Variants in ADCY2 observed in about 807,000 individuals in gnomAD.
ADCY2 encodes the protein adenylate cyclase 2.
ADCY2 carries 31 observed loss-of-function variants against 125.2 expected under a neutral mutation model. That is an observed-to-expected ratio of 0.25 (90% CI 0.19 to 0.33). The LOEUF (loss-of-function observed/expected upper bound fraction) is 0.33, where lower values mean the gene tolerates loss of function less well. Ranked by LOEUF, ADCY2 falls within the 10% of genes least tolerant of loss-of-function variation. The pLI, the probability that ADCY2 is intolerant of heterozygous loss-of-function variation, is 1.00. For synonymous variants in ADCY2, 512 were observed against 548.4 expected (o/e 0.93, Z 0.93); for missense variants, 904 against 1,418.2 (o/e 0.64, Z 5.82).
intron 2 of ADCY2, among the ~76,000 whole-genome samples, chr5:7,491,256 A>AT (rs34685344): frequency 0.011 from 1,661 of 146,502 alleles, 19 homozygotes; most frequent in African/African-American, 0.035. Context: ...ATTAAAAATG[A>AT]TTTTTTTTTT....
chr5:7,513,852 G>A (rs1336135112), intron 2 of ADCY2, among the ~76,000 whole-genome samples: 1 of 152,122 alleles, frequency 6.6e-6, no homozygotes, highest in Non-Finnish European at 1.5e-5. Flanking sequence ...TTTTTGGAGA[G>A]AAAAATGATT....
chr5:7,602,027 C>T (rs1296867855), intron 3 of ADCY2, among the ~76,000 whole-genome samples: 1 of 152,204 alleles, frequency 6.6e-6, no homozygotes, highest in African/African-American at 2.4e-5. Flanking sequence ...CTTGTGGCTG[C>T]ATCACTGCAA....
At chr5:7,684,775 C>CT (rs10662818) in intron 4 of ADCY2, among the ~76,000 whole-genome samples, 6,587 of 141,342 alleles carry the variant, frequency 0.047, 505 homozygotes, top group African/African-American at 0.15. Context: ...TCTGTTGTGC[C>CT]TTTTTTTTTT....
intron 3 of ADCY2, among the ~76,000 whole-genome samples, chr5:7,577,959 A>G (rs1736304820): frequency 6.6e-6 from 1 of 152,126 alleles, no homozygotes. Flanking sequence ...CTTCGTCTTA[A>G]CCCTATAACT....
At chr5:7,641,405 T>C (rs1377107469) in intron 4 of ADCY2, among the ~76,000 whole-genome samples, 1 of 152,190 alleles carries the variant, frequency 6.6e-6, no homozygotes, top group Non-Finnish European at 1.5e-5. Flanking sequence ...ATGATCGTGG[T>C]ATAAGATGTG....
chr5:7,612,216 T>TA (rs1737591532), intron 3 of ADCY2, among the ~76,000 whole-genome samples: 1 of 152,182 alleles, frequency 6.6e-6, no homozygotes, highest in South Asian at 2.1e-4. Flanking sequence ...AGTCACCTAA[T>TA]TAGGTATTTA....
intron 3 of ADCY2, among the ~76,000 whole-genome samples, chr5:7,618,177 T>C (rs1737826893): frequency 1.3e-5 from 2 of 152,240 alleles, no homozygotes; most frequent in South Asian, 4.1e-4. Flanking sequence ...GTGGCATCCC[T>C]GAGTTGTTAT....
intron 3 of ADCY2, among the ~76,000 whole-genome samples, chr5:7,578,322 A>T (rs536193468): frequency 6.6e-6 from 1 of 152,128 alleles, no homozygotes; most frequent in Non-Finnish European, 1.5e-5. Context: ...GTCAAATTGA[A>T]ACAGAAGTCT....
chr5:7,814,525 C>T (rs922792353), intron 22 of ADCY2, among the ~76,000 whole-genome samples: 42 of 152,158 alleles, frequency 2.8e-4, no homozygotes, highest in African/African-American at 9.7e-4. Context: ...GTCCATGGTG[C>T]CAAGGCTGAG....
intron 14 of ADCY2, among the ~76,000 whole-genome samples, chr5:7,739,086 C>G (rs1318014045): frequency 4.6e-5 from 7 of 151,726 alleles, no homozygotes; most frequent in African/African-American, 1.7e-4. Flanking sequence ...AAACACTAAA[C>G]TGAATTGAAA....
At chr5:7,554,610 C>A (rs1735446183) in intron 3 of ADCY2, among the ~76,000 whole-genome samples, 1 of 152,154 alleles carries the variant, frequency 6.6e-6, no homozygotes, top group Admixed American at 6.5e-5. Flanking sequence ...AAAAGCATGT[C>A]TGTTCAGTGG....
intron 4 of ADCY2, among the ~76,000 whole-genome samples, chr5:7,664,263 A>T (rs939909563): frequency 6.6e-6 from 1 of 151,852 alleles, no homozygotes; most frequent in African/African-American, 2.4e-5. Context: ...AAAACATGTG[A>T]TTTTTTTTTC....
intron 4 of ADCY2, among the ~76,000 whole-genome samples, chr5:7,665,312 G>A (rs1739675264): frequency 6.6e-6 from 1 of 152,126 alleles, no homozygotes; most frequent in Non-Finnish European, 1.5e-5. Context: ...CCATCTGGAT[G>A]TCCACCAAGA....
At chr5:7,657,524 T>A (rs1305280803) in intron 4 of ADCY2, among the ~76,000 whole-genome samples, 2 of 152,198 alleles carry the variant, frequency 1.3e-5, no homozygotes, top group Non-Finnish European at 2.9e-5. Flanking sequence ...CCCAAGCCAA[T>A]GCTATTCTCT....
At chr5:7,784,946 T>G (rs964379013) in intron 19 of ADCY2, among the ~76,000 whole-genome samples, 3 of 152,212 alleles carry the variant, frequency 2.0e-5, no homozygotes, top group African/African-American at 7.2e-5. Flanking sequence ...CTGTTCTTCC[T>G]TCTTTGGTCC....
At chr5:7,742,275 A>G (rs1579379993) in intron 14 of ADCY2, among the ~76,000 whole-genome samples, 1 of 151,906 alleles carries the variant, frequency 6.6e-6, no homozygotes, top group Non-Finnish European at 1.5e-5. Context: ...GTGGGCTGGC[A>G]CTCCTCCCGC....
At chr5:7,731,471 G>T (rs1742103069) in intron 14 of ADCY2, among the ~76,000 whole-genome samples, 1 of 152,030 alleles carries the variant, frequency 6.6e-6, no homozygotes, top group Non-Finnish European at 1.5e-5. Context: ...TGTCAGGCTG[G>T]TCTTGAACTC....
intron 2 of ADCY2, among the ~76,000 whole-genome samples, chr5:7,509,932 G>T (rs1288813776): frequency 6.6e-6 from 1 of 152,158 alleles, no homozygotes; most frequent in Non-Finnish European, 1.5e-5. Flanking sequence ...TTCTACTTAA[G>T]ATGGTCAGGT....
chr5:7,702,146 C>T (rs1163211173), intron 7 of ADCY2, among the ~76,000 whole-genome samples: 1 of 151,332 alleles, frequency 6.6e-6, no homozygotes, highest in Non-Finnish European at 1.5e-5. Flanking sequence ...AATCCCAGAG[C>T]TTTGGGAGGC....
Sources: gnomAD v4.1 joint callset for allele counts (sites outside exome capture counted in the v4.1 genomes callset) on GRCh38, gnomAD v4.1.1 for gene constraint, MANE v1.5 for transcripts, NCBI Gene and HGNC (gene_info 2026-07-23, HGNC 2026-07-21) for gene names.